The following ERCC4 variants were observed in gnomAD, a reference collection of about 807,000 sequenced individuals.
ERCC4 encodes DNA repair endonuclease XPF.
Under a neutral mutation model 76.9 loss-of-function variants are expected in ERCC4, and 65 were observed. The observed-to-expected ratio is 0.84, with a 90% confidence interval of 0.69 to 1.04. The LOEUF (loss-of-function observed/expected upper bound fraction) is 1.04, where lower values mean the gene tolerates loss of function less well. Ranked by LOEUF, ERCC4 falls within the 50% of genes least tolerant of loss-of-function variation. The probability of loss-of-function intolerance (pLI) is 0.00; values close to 1 mark genes in which losing one functional copy is unlikely to be tolerated. For synonymous variants in ERCC4, 463 were observed against 410.1 expected, an observed-to-expected ratio of 1.13 and a Z score of -1.56; for missense variants, 1,214 against 1,128.2, an observed-to-expected ratio of 1.08 and a Z score of -1.09.
At chr16:13,923,936 A>C (rs76510856) in intron 2 of ERCC4, among the ~76,000 whole-genome samples, 3 of 152,262 alleles carry the variant, frequency 2.0e-5, no homozygotes, top group African/African-American at 7.2e-5. Flanking sequence ...TTACAGTGCA[A>C]CCTAATTAGG....
At position 13,935,278 on chromosome 16, in the gene ERCC4, T is replaced by C. The variant is rs1387660737; in HGVS notation, c.1346T>C (p.Val449Ala). ...TFEKDSKAEE[V>A]WMKFRKEDSS... ...GAGAAGGATAGCAAAGCTGAAGAAGTCTGGATGAAATTTAGGAAGGAAGAC... is the reference window on the plus strand; with the variant it reads ...GAGAAGGATAGCAAAGCTGAAGAAGCCTGGATGAAATTTAGGAAGGAAGAC... Residue 449 changes from valine (V) to alanine (A), a missense_variant, in exon 8 of 11, where the codon GTC becomes GCC. Coordinates refer to ENST00000311895, the MANE Select transcript of ERCC4 (RefSeq NM_005236.3). 5 of 1,613,820 alleles carry C rather than the reference T, an allele frequency of 3.1e-6. No individual in the cohort carries two copies. In the African/African-American group the frequency reaches 6.7e-5, roughly 22 times the overall value.
At position 13,949,087 on chromosome 16, in the gene ERCC4, C is replaced by T. The variant is rs1246607341; in HGVS notation, c.*740C>T. On this transcript the variant is annotated 3_prime_UTR_variant, in exon 11 of 11. Transcript: ENST00000311895. ...CTGGTTGACTAGTCTTCTAATGACC[C>T]TAACATATGTAGCATATACTATAAT... The T allele has an allele frequency of 8.6e-6, 2 of 233,032 alleles. No individual in the cohort carries two copies. Among genetic ancestry groups the T allele is most frequent in the South Asian group, 1.8e-4 (1 of 5,530 alleles). 14.4% of individuals were successfully genotyped at this position (233,032 alleles called of 1,614,324 possible). A position where few individuals can be genotyped will look rare whatever the true frequency, so the allele number is the denominator to read the frequency against.
chr16:13,922,891 C>T (rs557185611), intron 2 of ERCC4, among the ~76,000 whole-genome samples: 7 of 152,150 alleles, frequency 4.6e-5, no homozygotes, highest in Non-Finnish European at 1.0e-4. Context: ...ATTAACTTTT[C>T]ATTGTTTTCT....
At chr16:13,920,485 T>C in intron 1 of ERCC4, 113 bp downstream of exon 1, 1 of 958,898 alleles carries the variant, frequency 1.0e-6, no homozygotes, top group Non-Finnish European at 1.6e-6. Flanking sequence ...TTCAGGCCCC[T>C]GACACTACGC....
intron 5 of ERCC4, chr16:13,931,599 A>G (rs951840421): frequency 6.4e-6 from 1 of 157,248 alleles, no homozygotes; most frequent in East Asian, 1.8e-4. Context: ...CTACCTGTAG[A>G]TATCCAAATG....
Position 13,934,197 on chromosome 16 carries a change from A to T in ERCC4, c.1108A>T (p.Lys370Ter). Residue 370 changes from lysine to a stop codon, truncating the protein, a stop_gained, in exon 7 of 11, where the codon AAA becomes TAA. Transcript: ENST00000311895. LOFTEE classifies it high-confidence loss of function. ...KMEIKEGEET[K>*]KELVLESNPK... ...ATATTTTTATTTCTCTACAGAAACA[A>T]AAAAGGAACTGGTCCTAGAAAGCAA... 1 of 1,605,290 alleles carries T rather than the reference A, an allele frequency of 6.2e-7. No individual in the cohort carries two copies. The highest frequency in any genetic ancestry group is 8.5e-7 in the Non-Finnish European group (1 of 1,172,786).
At chr16:13,940,404 A>T (rs7206707) in intron 9 of ERCC4, among the ~76,000 whole-genome samples, 7,163 of 152,138 alleles carry the variant, frequency 0.047, 544 homozygotes, top group African/African-American at 0.16. Flanking sequence ...AAAAAGAAAA[A>T]AAAGATTAAA....
rs750727529 is a variant in ERCC4, at chr16:13,948,331, GA to G, written c.2739del (p.Lys916SerfsTer4). ...TCTTTTGCAGAAGTCGTATCAAAAG[GA>G]AAAGGGAAAAAGTGAACAGTGATGG... ...HTSFAEVVSK[G>X]KGKK On this transcript the variant is annotated frameshift_variant, in exon 11 of 11. Transcript: ENST00000311895. LOFTEE classifies it high-confidence loss of function. 1 of 1,611,438 alleles carries G rather than the reference GA, an allele frequency of 6.2e-7. No individual in the cohort carries two copies. Among genetic ancestry groups the G allele is most frequent in the South Asian group, 1.1e-5 (1 of 91,058 alleles).
In ERCC4 at chr16:13,935,513, A is replaced by G. The variant is rs200649435; in HGVS notation, c.1581A>G (p.Glu527=). 7 of 1,614,214 alleles carry G rather than the reference A, an allele frequency of 4.3e-6. No homozygotes were observed. Among genetic ancestry groups the G allele is most frequent in the Non-Finnish European group, 5.9e-6 (7 of 1,180,020 alleles). Residue 527 remains glutamate (E), a synonymous_variant, in exon 8 of 11, where the codon GAA becomes GAG. Coordinates refer to ENST00000311895, the MANE Select transcript of ERCC4 (RefSeq NM_005236.3). ...EISSSPESCP[E]EIKHEEFDVN... Reference sequence around the variant, plus strand: ...GCAGTAGCCCAGAAAGCTGCCCGGAAGAAATTAAGCATGAAGAATTTGATG... The same window carrying G: ...GCAGTAGCCCAGAAAGCTGCCCGGAGGAAATTAAGCATGAAGAATTTGATG...
intron 2 of ERCC4, 182 bp downstream of exon 2, chr16:13,922,393 G>A: frequency 1.3e-6 from 1 of 760,196 alleles, no homozygotes; most frequent in Non-Finnish European, 2.4e-6. Flanking sequence ...GGGTGGGGGT[G>A]TTCGGTCCTT....
At chr16:13,944,881 GC>G in intron 10 of ERCC4, 46 bp downstream of exon 10, 1 of 1,224,946 alleles carries the variant, frequency 8.2e-7, no homozygotes, top group Non-Finnish European at 1.2e-6. Context: ...TGCAAAGGGG[GC>G]TGTGAAGTTC....
intron 2 of ERCC4, among the ~76,000 whole-genome samples, chr16:13,924,113 A>G (rs1440131306): frequency 4.6e-5 from 7 of 152,156 alleles, no homozygotes; most frequent in Admixed American, 4.6e-4. Context: ...CCAAAAATGA[A>G]TTCTTTTGAA....
intron 8 of ERCC4, among the ~76,000 whole-genome samples, chr16:13,935,956 T>G (rs1275053005): frequency 6.6e-6 from 1 of 152,198 alleles, no homozygotes; most frequent in African/African-American, 2.4e-5. Flanking sequence ...CTGCTCTTGT[T>G]CTCGTTACGT....
At chr16:13,927,933 T>C in intron 3 of ERCC4, 95 bp from the exon 4 acceptor site, 1 of 857,144 alleles carries the variant, frequency 1.2e-6, no homozygotes, top group Non-Finnish European at 2.0e-6. Context: ...TTCGTGTTGT[T>C]TGTAGCATTT....
intron 4 of ERCC4, 101 bp downstream of exon 4, chr16:13,928,336 T>G: frequency 1.2e-6 from 1 of 859,712 alleles, no homozygotes; most frequent in Non-Finnish European, 1.9e-6. Flanking sequence ...TTGCTGTTAT[T>G]TAAGAATAAA....
In ERCC4 at chr16:13,934,291, T is replaced by C; in HGVS notation, c.1202T>C (p.Leu401Pro). Residue 401 changes from leucine (L) to proline (P), a missense_variant, in exon 7 of 11, where the codon CTT (leucine) becomes CCT (proline). Transcript: ENST00000311895. The part of the protein sequence containing the change: ...IEAENKESEA[L>P]GGPGQVLICA... ...GCAGAAAATAAGGAGAGTGAAGCTC[T>C]TGGTGGTCCAGGTAGGAAAAAAGGA... 1 of 1,607,980 alleles carries C rather than the reference T, an allele frequency of 6.2e-7. No homozygotes were observed. The highest frequency in any genetic ancestry group is 8.5e-7 in the Non-Finnish European group (1 of 1,174,528).
intron 9 of ERCC4, among the ~76,000 whole-genome samples, chr16:13,944,388 ATC>A: frequency 6.6e-6 from 1 of 152,032 alleles, no homozygotes; most frequent in Non-Finnish European, 1.5e-5. Flanking sequence ...AGTCTCAAGA[ATC>A]TCTTGGTGGC....
rs1399858595 is a variant in ERCC4, at chr16:13,937,749, T to C, written c.1812-17T>C. The stretch of plus-strand genomic sequence containing the variant: ...AATGCTGTTTTTCCAACCTAAAAGT[T>C]CTGTCTTAACATGCAGGGTTTACTT... On this transcript the variant is annotated splice_polypyrimidine_tract_variant and intron_variant, in intron 8 of 10. Coordinates refer to ENST00000311895, the MANE Select transcript of ERCC4 (RefSeq NM_005236.3). 6.4e-7 allele frequency: 1 copy of C among 1,556,712 alleles called. No individual in the cohort carries two copies. The highest frequency in any genetic ancestry group is 2.2e-5 in the East Asian group (1 of 44,618).
chr16:13,930,829 C>A lies in ERCC4; in HGVS notation c.912C>A (p.Val304=). ...AGTATCTCTCTCAGTATGATTGTGT[C>A]ACATTTCTTAATCTTCTGGAATCTC... The part of the protein sequence containing the change: ...LLQYLSQYDC[V]TFLNLLESLR... The change falls in exon 5 of 11, where the codon GTC becomes GTA. Residue 304 remains valine (V), a synonymous_variant. Transcript: ENST00000311895. 1 of 1,613,268 alleles carries A rather than the reference C, an allele frequency of 6.2e-7. No homozygotes were observed. The highest frequency in any genetic ancestry group is 1.1e-5 in the South Asian group (1 of 91,058).
Sources: allele counts gnomAD v4.1 joint callset (sites outside exome capture counted in the v4.1 genomes callset), GRCh38; gene constraint gnomAD v4.1.1; transcripts MANE v1.5; gene names NCBI Gene and HGNC (gene_info 2026-07-23, HGNC 2026-07-21).